GRHL2: variants seen among roughly 807,000 people sequenced by gnomAD.
GRHL2 encodes grainyhead like transcription factor 2, also known as grainyhead-like protein 2 homolog.
Under a neutral mutation model 83.8 loss-of-function variants are expected in GRHL2, and 21 were observed. The ratio of observed to expected loss-of-function variants is 0.25; its 90% CI spans 0.18 to 0.36. The LOEUF (loss-of-function observed/expected upper bound fraction) is 0.36, where lower values mean the gene tolerates loss of function less well. Among genes scored for constraint, GRHL2 ranks in the 10% least tolerant of loss-of-function variants. GRHL2 has a pLI of 1.00. For missense variants in GRHL2, 623 were observed against 781.8 expected (o/e 0.80, Z 2.42); for synonymous variants, 280 against 278.9 (o/e 1.00, Z -0.04).
chr8:101,531,383 CAT>C (rs769793658), intron 1 of GRHL2, among the ~76,000 whole-genome samples: 3 of 152,112 alleles, frequency 2.0e-5, no homozygotes, highest in Non-Finnish European at 2.9e-5. Flanking sequence ...TTATTATTAA[CAT>C]AACGAATACA....
intron 14 of GRHL2, among the ~76,000 whole-genome samples, chr8:101,652,844 T>G (rs1446103024): frequency 1.3e-5 from 2 of 152,106 alleles, no homozygotes; most frequent in Non-Finnish European, 2.9e-5. Flanking sequence ...TGGCCCCTGG[T>G]ATATACCAAG....
chr8:101,632,927 T>G (rs1813216364), intron 11 of GRHL2, among the ~76,000 whole-genome samples: 1 of 152,234 alleles, frequency 6.6e-6, no homozygotes, highest in African/African-American at 2.4e-5. Flanking sequence ...GATCTCAAAC[T>G]AACATAAATG....
intron 8 of GRHL2, among the ~76,000 whole-genome samples, chr8:101,607,393 G>T (rs1180760412): frequency 6.6e-6 from 1 of 152,182 alleles, no homozygotes; most frequent in Non-Finnish European, 1.5e-5. Context: ...TGCCCTGTGG[G>T]TTCATGACCT....
intron 7 of GRHL2, among the ~76,000 whole-genome samples, chr8:101,591,132 GATAAAAA>G (rs1223765900): frequency 1.3e-5 from 2 of 151,956 alleles, no homozygotes; most frequent in Non-Finnish European, 2.9e-5. Flanking sequence ...ATATGCAAAA[GATAAAAA>G]ATAAAAAAAT....
At chr8:101,553,623 C>CTTTTTT (rs1184533206) in intron 3 of GRHL2, among the ~76,000 whole-genome samples, 7 of 106,846 alleles carry the variant, frequency 6.6e-5, no homozygotes, top group Non-Finnish European at 7.4e-5. Flanking sequence ...TCATCCACTT[C>CTTTTTT]TTTTTTTTTT....
chr8:101,633,148 G>C (rs909196603), intron 11 of GRHL2, among the ~76,000 whole-genome samples: 1 of 152,130 alleles, frequency 6.6e-6, no homozygotes, highest in African/African-American at 2.4e-5. Context: ...ACTTTTTACA[G>C]GGTTATGAGA....
the GRHL2 span, among the ~76,000 whole-genome samples, chr8:101,676,489 T>C: frequency 6.6e-6 from 1 of 152,130 alleles, no homozygotes; most frequent in Admixed American, 6.5e-5. Context: ...ATCAGAGAAA[T>C]GCACATCAAA....
At chr8:101,607,741 T>A (rs1812660443) in intron 8 of GRHL2, among the ~76,000 whole-genome samples, 1 of 152,118 alleles carries the variant, frequency 6.6e-6, no homozygotes, top group African/African-American at 2.4e-5. Context: ...GTGGTGTGAG[T>A]AAAGGAAGCC....
chr8:101,611,866 G>A (rs374399354), intron 8 of GRHL2, among the ~76,000 whole-genome samples: 1 of 150,850 alleles, frequency 6.6e-6, no homozygotes, highest in Non-Finnish European at 1.5e-5. Context: ...TTCCATTAGG[G>A]TGATCTCTCC....
intron 8 of GRHL2, among the ~76,000 whole-genome samples, chr8:101,603,800 G>A (rs753703640): frequency 2.0e-5 from 3 of 152,034 alleles, no homozygotes; most frequent in South Asian, 2.1e-4. Context: ...GTGAACAGGC[G>A]TCCCTGGGCT....
intron 1 of GRHL2, among the ~76,000 whole-genome samples, chr8:101,519,787 A>G (rs1052595939): frequency 1.3e-5 from 2 of 152,198 alleles, no homozygotes; most frequent in African/African-American, 4.8e-5. Context: ...TAACATATGC[A>G]TATACAGATA....
At chr8:101,531,024 A>T (rs192399305) in intron 1 of GRHL2, among the ~76,000 whole-genome samples, 227 of 152,256 alleles carry the variant, frequency 1.5e-3, no homozygotes, top group African/African-American at 5.4e-3. Context: ...TGAGCTCAGA[A>T]GTCCAAGACC....
chr8:101,633,813 C>T (rs929657834), intron 11 of GRHL2, among the ~76,000 whole-genome samples: 2 of 152,046 alleles, frequency 1.3e-5, no homozygotes, highest in Non-Finnish European at 2.9e-5. Flanking sequence ...GCTAGGTTTC[C>T]ACACCTTCCA....
At chr8:101,543,500 G>A (rs1811197905) in intron 2 of GRHL2, 64 bp downstream of exon 2, 13 of 1,459,360 alleles carry the variant, frequency 8.9e-6, no homozygotes, top group Non-Finnish European at 1.1e-5. Context: ...CTGGTGGGAA[G>A]AAGGAACAGA....
chr8:101,679,993 G>A, the GRHL2 span, among the ~76,000 whole-genome samples: 29 of 118,152 alleles, frequency 2.5e-4, 2 homozygotes, highest in African/African-American at 7.4e-4. Flanking sequence ...AAAGACCATC[G>A]AGACTAGGAA....
the GRHL2 span, among the ~76,000 whole-genome samples, chr8:101,678,270 G>C: frequency 6.6e-6 from 1 of 152,200 alleles, no homozygotes; most frequent in South Asian, 2.1e-4. Flanking sequence ...GCCTCACTTG[G>C]GAAGCGCAAG....
intron 8 of GRHL2, among the ~76,000 whole-genome samples, chr8:101,608,735 TCA>T (rs72332231): frequency 0.06 from 8,601 of 144,526 alleles, 439 homozygotes; most frequent in Middle Eastern, 0.11. Context: ...GCTCACTCTC[TCA>T]CACACACACA....
chr8:101,676,095 A>G, the GRHL2 span, among the ~76,000 whole-genome samples: 1 of 151,438 alleles, frequency 6.6e-6, no homozygotes, highest in Non-Finnish European at 1.5e-5. Flanking sequence ...TAGACCTAAA[A>G]CCATAAAAAC....
intron 12 of GRHL2, among the ~76,000 whole-genome samples, chr8:101,638,530 A>G (rs575417939): frequency 6.6e-6 from 1 of 152,310 alleles, no homozygotes; most frequent in South Asian, 2.1e-4. Context: ...GACTAGTTAC[A>G]ACAGAGACCA....
Sources: allele counts gnomAD v4.1 joint callset (sites outside exome capture counted in the v4.1 genomes callset), GRCh38; gene constraint gnomAD v4.1.1; transcripts MANE v1.5; gene names NCBI Gene and HGNC (gene_info 2026-07-23, HGNC 2026-07-21).